The following NPR3 variants were observed in gnomAD, a reference collection of about 807,000 sequenced individuals.
NPR3 encodes the protein natriuretic peptide receptor 3.
Under a neutral mutation model 54.5 loss-of-function variants are expected in NPR3, and 34 were observed. The observed-to-expected ratio is 0.62, with a 90% CI of 0.47 to 0.83. NPR3 has a LOEUF of 0.83. NPR3 is among the 40% of genes least tolerant of loss of function. The pLI, the probability that NPR3 is intolerant of heterozygous loss-of-function variation, is 0.00. For synonymous variants in NPR3, 289 were observed against 297.1 expected (o/e 0.97, Z 0.28); for missense variants, 674 against 720.8 (o/e 0.94, Z 0.74).
chr5:32,753,733 C>A (rs1240460421), intron 3 of NPR3, among the ~76,000 whole-genome samples: 2 of 148,284 alleles, frequency 1.3e-5, no homozygotes, highest in Non-Finnish European at 3.0e-5. Flanking sequence ...AAAGGAGGAA[C>A]CTGGAAAAGG....
intron 3 of NPR3, among the ~76,000 whole-genome samples, chr5:32,747,622 C>T (rs564266981): frequency 6.6e-6 from 1 of 152,202 alleles, no homozygotes; most frequent in Non-Finnish European, 1.5e-5. Context: ...TCTTCCTGCT[C>T]TAATCTAGAG....
At chr5:32,713,270 G>A in intron 1 of NPR3, 1 of 985,436 alleles carries the variant, frequency 1.0e-6, no homozygotes, top group Non-Finnish European at 1.2e-6. Flanking sequence ...TTGAAGAAAC[G>A]AGCGCTGAAC....
At position 32,771,476 on chromosome 5, in the gene NPR3, A is replaced by G. The variant is rs186835452; in HGVS notation, c.1060-3232A>G. ...TAACTCAAGTTCATTGTTCTCCACCACGTAATCTTTCTTCCTATCCTGGAT... is the reference window on the plus strand; with the variant it reads ...TAACTCAAGTTCATTGTTCTCCACCGCGTAATCTTTCTTCCTATCCTGGAT... On this transcript the variant is annotated intron_variant, in intron 3 of 7. Transcript: ENST00000265074. Among the ~76,000 whole-genome samples, 577 of 152,238 alleles carry G rather than the reference A, an allele frequency of 3.8e-3. 1 individual carries two copies. Among genetic ancestry groups the G allele is most frequent in the African/African-American group, 0.012 (478 of 41,526 alleles).
At position 32,724,647 on chromosome 5, in the gene NPR3, G is replaced by C. The variant is rs541219162; in HGVS notation, c.770-51G>C. The C allele has an allele frequency of 3.3e-5, 53 of 1,609,148 alleles. 1 individual carries two copies. In the South Asian group the frequency reaches 5.8e-4, roughly 18 times the overall value. On this transcript the variant is annotated intron_variant, in intron 1 of 7. Transcript: ENST00000265074. ...GTCCCTTACTGGTGTCAGCATGCTC[G>C]AAGTGCTCTGCAAAGGGGTGCCTCA...
intron 1 of NPR3, among the ~76,000 whole-genome samples, 172 bp downstream of exon 1, chr5:32,712,717 G>T (rs1490302921): frequency 2.0e-5 from 3 of 152,226 alleles, no homozygotes; most frequent in African/African-American, 7.2e-5. Flanking sequence ...TTTGACGACC[G>T]CCCATCGCGG....
chr5:32,723,754 T>C (rs1270914379), intron 1 of NPR3, among the ~76,000 whole-genome samples: 1 of 152,194 alleles, frequency 6.6e-6, no homozygotes, highest in Non-Finnish European at 1.5e-5. Context: ...AAAGAACTGG[T>C]CTGTAAAAGC....
chr5:32,767,283 GT>G (rs1741523095), intron 3 of NPR3, among the ~76,000 whole-genome samples: 1 of 152,146 alleles, frequency 6.6e-6, no homozygotes, highest in African/African-American at 2.4e-5. Flanking sequence ...CCCACTCAAC[GT>G]TTTCTTGAGT....
chr5:32,771,443 G>A (rs144912428), intron 3 of NPR3, among the ~76,000 whole-genome samples: 98 of 152,308 alleles, frequency 6.4e-4, no homozygotes, highest in African/African-American at 2.3e-3. Flanking sequence ...AACCTGCGAG[G>A]ACGAAAGTAA....
chr5:32,712,683 A>G lies in NPR3; in HGVS notation c.769+138A>G, dbSNP rs909328589. ...GGTGCGCGCGGGCACTCGTTCAGGT[A>G]TGCGCCGTGTGGCTGCGACAACCTT... On this transcript the variant is annotated intron_variant, in intron 1 of 7. Coordinates refer to ENST00000265074, the MANE Select transcript of NPR3 (RefSeq NM_001204375.2). 1.3e-5 allele frequency: 10 copies of G among 793,578 alleles called. No homozygotes were observed. The African/African-American group carries it at 1.4e-4, about 11-fold the overall frequency. 49.2% of individuals were successfully genotyped at this position (793,578 alleles called of 1,614,324 possible).
At position 32,786,743 on chromosome 5, in the gene NPR3, G is replaced by A. The variant is rs1279823370; in HGVS notation, c.*398G>A. 1.6e-5 allele frequency: 3 copies of A among 185,626 alleles called. No homozygotes were observed. The highest frequency in any genetic ancestry group is 2.3e-4 in the South Asian group (2 of 8,564). 11.5% of individuals were successfully genotyped at this position (185,626 alleles called of 1,614,324 possible). A position where few individuals can be genotyped will look rare whatever the true frequency, so the allele number is the denominator to read the frequency against. ...GAATAAAATCATTTTTACAAGTACA[G>A]CATTCTTGGAAAGAATTTAACACCC... On this transcript the variant is annotated 3_prime_UTR_variant, in exon 8 of 8. Coordinates refer to ENST00000265074, the MANE Select transcript of NPR3 (RefSeq NM_001204375.2).
chr5:32,774,940 CG>C, intron 4 of NPR3, 97 bp downstream of exon 4: 1 of 978,586 alleles, frequency 1.0e-6, no homozygotes, highest in Non-Finnish European at 1.6e-6. Flanking sequence ...GCCTTTCCAG[CG>C]TCTTGCTTTT....
intron 3 of NPR3, among the ~76,000 whole-genome samples, chr5:32,754,347 G>T (rs867235004): frequency 6.7e-6 from 1 of 149,788 alleles, no homozygotes; most frequent in African/African-American, 2.5e-5. Flanking sequence ...ATTGTAAAGG[G>T]TTTTTTTTTT....
chr5:32,698,803 G>C (rs189072871), intron 1 of NPR3, among the ~76,000 whole-genome samples: 1 of 151,960 alleles, frequency 6.6e-6, no homozygotes, highest in African/African-American at 2.4e-5. Context: ...GCCCCTTTTT[G>C]GTTTCTATTT....
chr5:32,719,023 T>G (rs552021832), intron 1 of NPR3, among the ~76,000 whole-genome samples: 1 of 152,348 alleles, frequency 6.6e-6, no homozygotes, highest in East Asian at 1.9e-4. Flanking sequence ...TTGAGATACA[T>G]TCCATCAATA....
At chr5:32,763,789 C>T (rs1249858913) in intron 3 of NPR3, among the ~76,000 whole-genome samples, 1 of 152,124 alleles carries the variant, frequency 6.6e-6, no homozygotes. Context: ...TGATTTTATA[C>T]TGGATGTTGT....
At chr5:32,780,483 A>T (rs1393623951) in intron 4 of NPR3, among the ~76,000 whole-genome samples, 1 of 152,188 alleles carries the variant, frequency 6.6e-6, no homozygotes, top group East Asian at 1.9e-4. Flanking sequence ...CCCAAAGAAG[A>T]TCATTTATTT....
At chr5:32,719,727 T>C (rs1738746041) in intron 1 of NPR3, among the ~76,000 whole-genome samples, 1 of 152,076 alleles carries the variant, frequency 6.6e-6, no homozygotes, top group South Asian at 2.1e-4. Context: ...ATTTGGATGC[T>C]AGACCTCTTG....
chr5:32,753,917 G>A (rs779782174), intron 3 of NPR3, among the ~76,000 whole-genome samples: 17 of 152,102 alleles, frequency 1.1e-4, no homozygotes, highest in Non-Finnish European at 1.9e-4. Context: ...CTTGCATGAA[G>A]TTTTGCATTG....
chr5:32,784,374 A>T (rs1375967775), intron 6 of NPR3, among the ~76,000 whole-genome samples: 7 of 152,130 alleles, frequency 4.6e-5, no homozygotes, highest in Non-Finnish European at 7.4e-5. Flanking sequence ...TTTTTAGTAG[A>T]GATAGGGTTT....
Sources: allele counts gnomAD v4.1 joint callset (sites outside exome capture counted in the v4.1 genomes callset), GRCh38; gene constraint gnomAD v4.1.1; transcripts MANE v1.5; gene names NCBI Gene and HGNC (gene_info 2026-07-23, HGNC 2026-07-21).